The following DLGAP2 variants were observed in gnomAD, a reference collection of about 807,000 sequenced individuals.
DLGAP2 encodes disks large-associated protein 2.
DLGAP2 carries 26 observed loss-of-function variants against 100.3 expected under a neutral mutation model. That is an observed-to-expected ratio of 0.26 (90% CI 0.19 to 0.36). The LOEUF is 0.36. Ranked by LOEUF, DLGAP2 falls within the 10% of genes least tolerant of loss-of-function variation. The pLI is 1.00. For synonymous variants in DLGAP2, 886 were observed against 630.1 expected (o/e 1.41, Z -6.08); for missense variants, 1,858 against 1,453.2 (o/e 1.28, Z -4.53).
At chr8:1,555,778 T>C (rs755098834) in intron 5 of DLGAP2, among the ~76,000 whole-genome samples, 2 of 152,246 alleles carry the variant, frequency 1.3e-5, no homozygotes, top group Non-Finnish European at 2.9e-5. Flanking sequence ...AACACATTCT[T>C]ATCCCCATGA....
At chr8:1,615,640 A>G (rs2130742679) in intron 6 of DLGAP2, among the ~76,000 whole-genome samples, 1 of 150,806 alleles carries the variant, frequency 6.6e-6, no homozygotes, top group African/African-American at 2.5e-5. Context: ...TTAAACAGCC[A>G]TTGTAGTCTT....
chr8:1,189,081 C>G (rs138948920), intron 2 of DLGAP2, among the ~76,000 whole-genome samples: 4 of 123,440 alleles, frequency 3.2e-5, no homozygotes, highest in African/African-American at 2.3e-4. Flanking sequence ...GGCCCCAGGC[C>G]GGTTCCGCGG....
In DLGAP2 at chr8:1,610,233, C is replaced by G. The variant is rs1183706698; in HGVS notation, c.1443-16507C>G. Among the ~76,000 whole-genome samples, 20 of 152,344 alleles carry G rather than the reference C, an allele frequency of 1.3e-4. No homozygotes were observed. The East Asian group carries it at 3.7e-3, about 28-fold the overall frequency. ...GAAACTAGAACTCAGGATTAAGAAT[C>G]TCACTCAAAACTGCTCAACTACATG... On this transcript the variant is annotated intron_variant, in intron 6 of 14. Transcript: ENST00000637795.
intron 2 of DLGAP2, among the ~76,000 whole-genome samples, chr8:983,536 G>A (rs1404693764): frequency 6.6e-6 from 1 of 152,148 alleles, no homozygotes; most frequent in Admixed American, 6.5e-5. Context: ...CACCTTCATC[G>A]TACATACCCT....
chr8:1,617,382 G>A (rs1188478046), intron 6 of DLGAP2, among the ~76,000 whole-genome samples: 1 of 152,178 alleles, frequency 6.6e-6, no homozygotes, highest in Non-Finnish European at 1.5e-5. Flanking sequence ...CAGCCTCACA[G>A]CATCTGTTGT....
intron 3 of DLGAP2, among the ~76,000 whole-genome samples, chr8:1,327,200 GTGTA>G (rs1801042024): frequency 6.6e-6 from 1 of 152,218 alleles, no homozygotes; most frequent in East Asian, 1.9e-4. Flanking sequence ...TAACACTGCT[GTGTA>G]TTTCTTTGCA....
chr8:1,444,038 G>A (rs1797913159), intron 3 of DLGAP2, among the ~76,000 whole-genome samples: 1 of 152,124 alleles, frequency 6.6e-6, no homozygotes, highest in African/African-American at 2.4e-5. Context: ...TTGTACTCAT[G>A]CTGAATATGT....
chr8:1,272,751 C>T (rs1037226368), intron 3 of DLGAP2, among the ~76,000 whole-genome samples: 5 of 152,036 alleles, frequency 3.3e-5, no homozygotes, highest in African/African-American at 4.8e-5. Context: ...ACTCGGACCA[C>T]GGGTGACTCT....
intron 4 of DLGAP2, among the ~76,000 whole-genome samples, chr8:1,544,452 G>A (rs968207898): frequency 1.3e-5 from 2 of 152,110 alleles, no homozygotes; most frequent in Admixed American, 6.6e-5. Context: ...GTTAGCTGTG[G>A]GTTTCCCATA....
chr8:821,063 T>C, intron 1 of DLGAP2, among the ~76,000 whole-genome samples: 1 of 152,346 alleles, frequency 6.6e-6, no homozygotes, highest in East Asian at 1.9e-4. Context: ...CGGTTGATTT[T>C]CAGTTTGTTT....
At chr8:1,195,938 C>G (rs1320931125) in intron 2 of DLGAP2, among the ~76,000 whole-genome samples, 1 of 152,182 alleles carries the variant, frequency 6.6e-6, no homozygotes, top group Non-Finnish European at 1.5e-5. Flanking sequence ...TTTGTTTCAA[C>G]TTAATTAATA....
Position 1,665,318 on chromosome 8 carries a change from G to A in DLGAP2, c.1811-3011G>A, listed in dbSNP as rs60533890. ...AACTATGAAACACATAATGAGCCAA[G>A]GTGGGGATGAATTTGCATGCATTTG... On this transcript the variant is annotated intron_variant, in intron 8 of 14. Transcript: ENST00000637795. 3.4e-3 allele frequency among the ~76,000 whole-genome samples: 522 copies of A among 152,306 alleles called. 3 individuals are homozygous for A. Among genetic ancestry groups the A allele is most frequent in the African/African-American group, 0.012 (505 of 41,566 alleles).
chr8:1,094,310 T>C (rs1804294765), intron 2 of DLGAP2, among the ~76,000 whole-genome samples: 1 of 152,206 alleles, frequency 6.6e-6, no homozygotes, highest in Non-Finnish European at 1.5e-5. Flanking sequence ...TTAATTATGT[T>C]ATAAAAAATG....
intron 3 of DLGAP2, among the ~76,000 whole-genome samples, chr8:1,357,672 G>A (rs770618765): frequency 1.6e-4 from 25 of 152,220 alleles, no homozygotes; most frequent in African/African-American, 4.6e-4. Flanking sequence ...TGTCTCTGAC[G>A]GATTTTAAGT....
intron 1 of DLGAP2, among the ~76,000 whole-genome samples, chr8:805,991 TC>T (rs1158191484): frequency 6.6e-6 from 1 of 152,200 alleles, no homozygotes; most frequent in African/African-American, 2.4e-5. Context: ...ATCTAGCCCT[TC>T]CGTTTTGAGG....
intron 3 of DLGAP2, among the ~76,000 whole-genome samples, chr8:1,303,854 C>G (rs1464313409): frequency 1.3e-5 from 2 of 152,198 alleles, no homozygotes; most frequent in East Asian, 1.9e-4. Context: ...CCCTGCAGGT[C>G]TGGATGGCCT....
At chr8:1,337,461 A>ATGTTG (rs1801313378) in intron 3 of DLGAP2, among the ~76,000 whole-genome samples, 1 of 3,894 alleles carries the variant, frequency 2.6e-4, no homozygotes, top group African/African-American at 9.6e-4. Context: ...TGATGGTGAG[A>ATGTTG]ATGGTGAGGA....
chr8:1,620,929 G>A (rs1198835811), intron 6 of DLGAP2, among the ~76,000 whole-genome samples: 1 of 152,148 alleles, frequency 6.6e-6, no homozygotes, highest in African/African-American at 2.4e-5. Flanking sequence ...CTCCCAGAAT[G>A]CCTTTCCCCC....
intron 3 of DLGAP2, among the ~76,000 whole-genome samples, chr8:1,371,720 G>T (rs1802242188): frequency 6.6e-6 from 1 of 152,164 alleles, no homozygotes; most frequent in Non-Finnish European, 1.5e-5. Context: ...TAGAATTGTG[G>T]CAGGGCTTTT....
Sources: allele counts gnomAD v4.1 joint callset (sites outside exome capture counted in the v4.1 genomes callset), GRCh38; gene constraint gnomAD v4.1.1; transcripts MANE v1.5; gene names NCBI Gene and HGNC (gene_info 2026-07-23, HGNC 2026-07-21).